PRUNE2: variants seen among roughly 807,000 people sequenced by gnomAD.
The protein encoded by PRUNE2 is prune homolog 2 with BCH domain, also known as protein prune homolog 2.
A neutral mutation model predicts 252.0 loss-of-function variants in PRUNE2; 164 were observed. That is an observed-to-expected ratio of 0.65 (90% CI 0.57 to 0.74). The LOEUF (loss-of-function observed/expected upper bound fraction) is 0.74. Among genes scored for constraint, PRUNE2 ranks in the 30% least tolerant of loss-of-function variants. The probability of loss-of-function intolerance (pLI) is 0.00; values close to 1 mark genes in which losing one functional copy is unlikely to be tolerated. For synonymous variants in PRUNE2, 1,292 were observed against 1,350.2 expected (o/e 0.96, Z 0.94); for missense variants, 3,495 against 3,711.0 (o/e 0.94, Z 1.51).
At chr9:76,816,716 T>A (rs1257189809) in intron 6 of PRUNE2, among the ~76,000 whole-genome samples, 1 of 152,212 alleles carries the variant, frequency 6.6e-6, no homozygotes, top group African/African-American at 2.4e-5. Context: ...TAATGCTGTT[T>A]TCATTTCAGT....
At chr9:76,676,011 C>T (rs1192448796) in intron 9 of PRUNE2, among the ~76,000 whole-genome samples, 6 of 149,070 alleles carry the variant, frequency 4.0e-5, no homozygotes, top group Non-Finnish European at 7.4e-5. Flanking sequence ...CACATCTATA[C>T]GTATGTAACT....
intron 1 of PRUNE2, among the ~76,000 whole-genome samples, chr9:76,869,705 T>C (rs1485164073): frequency 6.6e-6 from 1 of 152,248 alleles, no homozygotes; most frequent in Admixed American, 6.5e-5. Context: ...CTGAGTATCA[T>C]GCTCTATTAA....
intron 6 of PRUNE2, chr9:76,788,322 G>A: frequency 1.5e-6 from 1 of 662,558 alleles, no homozygotes; most frequent in East Asian, 2.7e-5. Flanking sequence ...CGTGGCTAGA[G>A]TTACCACAAG....
intron 1 of PRUNE2, among the ~76,000 whole-genome samples, chr9:76,883,299 G>A (rs1327344142): frequency 6.6e-6 from 1 of 152,132 alleles, no homozygotes; most frequent in Admixed American, 6.6e-5. Flanking sequence ...AAAAAACATC[G>A]CACCTTTCGG....
chr9:76,694,159 C>G (rs1367923773), intron 9 of PRUNE2, among the ~76,000 whole-genome samples: 1 of 151,958 alleles, frequency 6.6e-6, no homozygotes, highest in South Asian at 2.1e-4. Context: ...GTAACTAATT[C>G]TGTTTTATTT....
At chr9:76,751,962 CAGAT>C (rs1346559246) in intron 6 of PRUNE2, among the ~76,000 whole-genome samples, 1 of 152,098 alleles carries the variant, frequency 6.6e-6, no homozygotes, top group Non-Finnish European at 1.5e-5. Context: ...CTCCCCAAGA[CAGAT>C]AGATTAGTTA....
chr9:76,752,393 G>C (rs115567063), intron 6 of PRUNE2, among the ~76,000 whole-genome samples: 1 of 152,012 alleles, frequency 6.6e-6, no homozygotes, highest in Non-Finnish European at 1.5e-5. Flanking sequence ...CACCGCGCCC[G>C]GCAACTCACT....
chr9:76,802,813 AAAGAGT>A (rs889370259), intron 6 of PRUNE2, among the ~76,000 whole-genome samples: 1 of 152,214 alleles, frequency 6.6e-6, no homozygotes, highest in African/African-American at 2.4e-5. Flanking sequence ...TTGCTCTTTC[AAAGAGT>A]AAAGGTTGTT....
chr9:76,801,883 C>T (rs919857613), intron 6 of PRUNE2, among the ~76,000 whole-genome samples: 2 of 152,102 alleles, frequency 1.3e-5, no homozygotes, highest in African/African-American at 2.4e-5. Flanking sequence ...TTCAATGACA[C>T]AAAAGCGTTA....
Position 76,707,197 on chromosome 9 carries a change from C to G in PRUNE2, c.5077G>C (p.Gly1693Arg). ...TCTTCCTCTATTGACTCTTCACCACCGACACTGTCATCATCAGAACCTGAG... is the reference window on the plus strand; with the variant it reads ...TCTTCCTCTATTGACTCTTCACCACGGACACTGTCATCATCAGAACCTGAG... ...TSSGSDDDSV[G>R]GEESIEEEIQ... Residue 1693 changes from glycine to arginine, a missense_variant, in exon 8 of 19, where the codon GGT becomes CGT. Coordinates refer to ENST00000376718, the MANE Select transcript of PRUNE2 (RefSeq NM_015225.3). The G allele has an allele frequency of 6.2e-7, 1 of 1,613,968 alleles. No homozygotes were observed. Among genetic ancestry groups the G allele is most frequent in the Non-Finnish European group, 8.5e-7 (1 of 1,179,892 alleles).
chr9:76,768,692 C>G (rs1005588692), intron 6 of PRUNE2, among the ~76,000 whole-genome samples: 1 of 151,220 alleles, frequency 6.6e-6, no homozygotes. Flanking sequence ...AAATTCACTT[C>G]AGAAAATAAT....
intron 6 of PRUNE2, among the ~76,000 whole-genome samples, chr9:76,800,955 A>G (rs1037065267): frequency 2.6e-5 from 4 of 152,260 alleles, no homozygotes; most frequent in African/African-American, 9.6e-5. Context: ...AAAAGCAAGA[A>G]TAACAACCTC....
chr9:76,615,790 A>G (rs1177822683), intron 18 of PRUNE2, among the ~76,000 whole-genome samples: 1 of 3,616 alleles, frequency 2.8e-4, no homozygotes, highest in African/African-American at 6.9e-4. Flanking sequence ...TTTTTTTTTG[A>G]GATGGAGTCT....
chr9:76,798,495 C>T (rs2056293122), intron 6 of PRUNE2, among the ~76,000 whole-genome samples: 1 of 152,204 alleles, frequency 6.6e-6, no homozygotes, highest in Non-Finnish European at 1.5e-5. Context: ...AGTACTCTCC[C>T]ATGGTATGTT....
intron 4 of PRUNE2, among the ~76,000 whole-genome samples, chr9:76,832,100 T>C (rs2058703889): frequency 6.6e-6 from 1 of 152,118 alleles, no homozygotes; most frequent in Non-Finnish European, 1.5e-5. Context: ...ATAGCATAGC[T>C]TCTAAATATA....
intron 18 of PRUNE2, chr9:76,615,119 A>C (rs1828806510): frequency 5.1e-6 from 5 of 985,666 alleles, no homozygotes; most frequent in Non-Finnish European, 6.0e-6. Flanking sequence ...GATGTTTATA[A>C]CTAAAGAAAA....
intron 9 of PRUNE2, chr9:76,687,583 G>A (rs545885639): frequency 8.9e-5 from 32 of 359,048 alleles, no homozygotes; most frequent in South Asian, 6.5e-4. Flanking sequence ...TTCCAAAGCA[G>A]ACTGCCACAA....
At chr9:76,631,586 T>G (rs1210262407) in intron 15 of PRUNE2, among the ~76,000 whole-genome samples, 1 of 152,228 alleles carries the variant, frequency 6.6e-6, no homozygotes, top group Non-Finnish European at 1.5e-5. Flanking sequence ...TGTCTGCCCA[T>G]GTCTGCTCCA....
intron 4 of PRUNE2, among the ~76,000 whole-genome samples, chr9:76,835,971 CTT>C (rs1293448497): frequency 1.3e-5 from 2 of 151,164 alleles, no homozygotes; most frequent in Non-Finnish European, 2.9e-5. Context: ...TTCTTTCTCT[CTT>C]TGTCTTGTGG....
Sources: allele counts gnomAD v4.1 joint callset (sites outside exome capture counted in the v4.1 genomes callset), GRCh38; gene constraint gnomAD v4.1.1; transcripts MANE v1.5; gene names NCBI Gene and HGNC (gene_info 2026-07-23, HGNC 2026-07-21).